Variants in MEGF10 observed in about 807,000 individuals in gnomAD.
MEGF10 encodes multiple epidermal growth factor-like domains protein 10.
In MEGF10, 86 loss-of-function variants were observed where a neutral mutation model predicts 147.5. The observed-to-expected ratio is 0.58, with a 90% CI of 0.49 to 0.70. The LOEUF is 0.70. Among genes scored for constraint, MEGF10 ranks in the 30% least tolerant of loss-of-function variants. The probability of loss-of-function intolerance (pLI) is 0.00; values close to 1 mark genes in which losing one functional copy is unlikely to be tolerated. For missense variants in MEGF10, 1,329 were observed against 1,487.3 expected, an observed-to-expected ratio of 0.89 and a Z score of 1.75; for synonymous variants, 478 against 525.5, an observed-to-expected ratio of 0.91 and a Z score of 1.24.
At chr5:127,250,854 T>C in the MEGF10 span, among the ~76,000 whole-genome samples, 1 of 151,928 alleles carries the variant, frequency 6.6e-6, no homozygotes, top group African/African-American at 2.4e-5. Flanking sequence ...AATGCTTTCC[T>C]ATATATTATC....
chr5:127,450,754 G>GTTATGT (rs1561655315), intron 22 of MEGF10, among the ~76,000 whole-genome samples: 1 of 151,704 alleles, frequency 6.6e-6, no homozygotes, highest in Non-Finnish European at 1.5e-5. Flanking sequence ...GTTTTGTTTT[G>GTTATGT]TTTTGTTTTT....
chr5:127,303,693 A>G (rs868043926), intron 1 of MEGF10, among the ~76,000 whole-genome samples: 8 of 152,176 alleles, frequency 5.3e-5, no homozygotes, highest in Non-Finnish European at 2.9e-5. Flanking sequence ...ATTGACTTCT[A>G]TGTCCAGTGG....
chr5:127,438,941 A>C (rs1037324459), intron 17 of MEGF10, among the ~76,000 whole-genome samples: 9 of 152,198 alleles, frequency 5.9e-5, no homozygotes, highest in Non-Finnish European at 1.2e-4. Flanking sequence ...TGCCTGATTT[A>C]ATGTGCGCTC....
chr5:127,416,265 T>A (rs1161898303), intron 9 of MEGF10, among the ~76,000 whole-genome samples: 2 of 151,892 alleles, frequency 1.3e-5, no homozygotes, highest in African/African-American at 4.8e-5. Context: ...CCTGACCTCG[T>A]GATCCGCCCG....
At chr5:127,282,814 A>G in the MEGF10 span, among the ~76,000 whole-genome samples, 1,393 of 152,342 alleles carry the variant, frequency 9.1e-3, 14 homozygotes, top group African/African-American at 0.03. Context: ...GTTTTCTCAG[A>G]ATAGTCAGGA....
At chr5:127,325,387 A>AT (rs1302470872) in intron 1 of MEGF10, among the ~76,000 whole-genome samples, 7 of 151,948 alleles carry the variant, frequency 4.6e-5, no homozygotes, top group Non-Finnish European at 7.4e-5. Flanking sequence ...TTGTTTGTAG[A>AT]TTTTTTCCCT....
In MEGF10 at chr5:127,323,023, CAT is replaced by C. The variant is rs147328563; in HGVS notation, c.-18-8259_-18-8258del. Among the ~76,000 whole-genome samples the C allele has an allele frequency of 2.4e-4, 37 of 151,392 alleles. No individual in the cohort carries two copies. In the East Asian group the frequency reaches 6.2e-3, roughly 25 times the overall value. On this transcript the variant is annotated intron_variant, in intron 1 of 24. Coordinates refer to ENST00000503335, the MANE Select transcript of MEGF10 (RefSeq NM_001256545.2). ...CACACATTGCATATACATATATATG[CAT>C]ATATATATGTATATGCACAGGCATT...
intron 5 of MEGF10, among the ~76,000 whole-genome samples, chr5:127,384,397 T>C (rs1040907833): frequency 6.6e-6 from 1 of 152,258 alleles, no homozygotes; most frequent in Non-Finnish European, 1.5e-5. Flanking sequence ...CTGAGGTTGT[T>C]ATTCTTCTTT....
chr5:127,309,218 G>A (rs1365191308), intron 1 of MEGF10, among the ~76,000 whole-genome samples: 1 of 152,206 alleles, frequency 6.6e-6, no homozygotes, highest in Non-Finnish European at 1.5e-5. Flanking sequence ...CTCACCTTTT[G>A]GGCAGACATC....
chr5:127,363,592 G>A (rs1325253674), intron 4 of MEGF10, among the ~76,000 whole-genome samples: 2 of 152,132 alleles, frequency 1.3e-5, no homozygotes, highest in African/African-American at 2.4e-5. Flanking sequence ...TATTGCTGAC[G>A]TCACTGCTGG....
intron 20 of MEGF10, among the ~76,000 whole-genome samples, chr5:127,446,580 G>A (rs1023606175): frequency 4.6e-5 from 7 of 152,186 alleles, no homozygotes; most frequent in African/African-American, 1.7e-4. Context: ...GGAATTTGGG[G>A]GAAAGAGATT....
chr5:127,417,604 A>G, intron 9 of MEGF10, 34 bp from the exon 10 acceptor site: 2 of 1,612,524 alleles, frequency 1.2e-6, no homozygotes, highest in Non-Finnish European at 1.7e-6. Context: ...TGTTTACCCC[A>G]AAGTGACTTA....
At chr5:127,411,655 A>G (rs1425655929) in intron 9 of MEGF10, among the ~76,000 whole-genome samples, 1 of 152,226 alleles carries the variant, frequency 6.6e-6, no homozygotes, top group Non-Finnish European at 1.5e-5. Context: ...TTTGTAAGCC[A>G]TATTAGTCAA....
intron 1 of MEGF10, among the ~76,000 whole-genome samples, chr5:127,330,681 A>G (rs1246790049): frequency 6.6e-6 from 1 of 152,228 alleles, no homozygotes; most frequent in African/African-American, 2.4e-5. Flanking sequence ...AAATTGAAGC[A>G]CTATGTTTAA....
rs569567951 is a variant in MEGF10, at chr5:127,419,577, A to T, written c.1426+337A>T. Reference sequence around the variant, plus strand: ...AGCCAAGCACCAATTTTATATGAGCACTAGAACGTGTCCATCCATAGGTGC... The same window carrying T: ...AGCCAAGCACCAATTTTATATGAGCTCTAGAACGTGTCCATCCATAGGTGC... On this transcript the variant is annotated intron_variant, in intron 11 of 24. Coordinates refer to ENST00000503335, the MANE Select transcript of MEGF10 (RefSeq NM_001256545.2). 1.1e-4 allele frequency among the ~76,000 whole-genome samples: 17 copies of T among 152,332 alleles called. No homozygotes were observed. In the South Asian group the frequency reaches 1.7e-3, roughly 15 times the overall value.
Position 127,440,988 on chromosome 5 carries a change from G to A in MEGF10, c.2362+121G>A. On this transcript the variant is annotated intron_variant, in intron 18 of 24. Transcript: ENST00000503335. ...CCGAGGTTGTTTGAGCTGATGGCTG[G>A]TTACTTCTCAGCATGACTGACTTCC... is the stretch of plus-strand genomic sequence containing the variant. 9.2e-6 allele frequency: 12 copies of A among 1,306,122 alleles called. No homozygotes were observed. The South Asian group carries it at 1.7e-4, about 18-fold the overall frequency. The allele number at this position is 1,306,122 out of a possible 1,614,324, so 80.9% of individuals were successfully genotyped here. A position where few individuals can be genotyped will look rare whatever the true frequency, so the allele number is the denominator to read the frequency against.
rs1215782706 is a variant in MEGF10, at chr5:127,457,149, A to G, written c.3254A>G (p.Gln1085Arg). 2 of 1,613,596 alleles carry G rather than the reference A, an allele frequency of 1.2e-6. No individual in the cohort carries two copies. Among genetic ancestry groups the G allele is most frequent in the South Asian group, 2.2e-5 (2 of 90,898 alleles). The change falls in exon 25 of 25, where the codon CAA becomes CGA. Residue 1085 changes from glutamine to arginine, a missense_variant. Physicochemically the swap from Gln to Arg is conservative, Grantham distance 43. Around this residue, in one of 3 missense-constraint regions of MEGF10, gnomAD observed 343 missense variants for 377.9 expected, o/e 0.91. Transcript: ENST00000503335. ...YEVEPTVSVV[Q>R]GVFSNNGRLS... Reference sequence around the variant, plus strand: ...ACAGAACCTACAGTGAGTGTTGTCCAAGGAGTATTCAGCAATAATGGGCGT... The same window carrying G: ...ACAGAACCTACAGTGAGTGTTGTCCGAGGAGTATTCAGCAATAATGGGCGT...
intron 2 of MEGF10, among the ~76,000 whole-genome samples, chr5:127,331,978 G>C (rs1761278971): frequency 6.6e-6 from 1 of 151,940 alleles, no homozygotes; most frequent in Non-Finnish European, 1.5e-5. Context: ...TCTTGGAAGG[G>C]GAGTCAGTTT....
chr5:127,329,515 G>GT (rs1010260738), intron 1 of MEGF10, among the ~76,000 whole-genome samples: 3 of 151,950 alleles, frequency 2.0e-5, no homozygotes, highest in Non-Finnish European at 2.9e-5. Flanking sequence ...AAAGTTGTTT[G>GT]TTTTTTGCTG....
Sources: allele counts gnomAD v4.1 joint callset (sites outside exome capture counted in the v4.1 genomes callset), GRCh38; gene constraint gnomAD v4.1.1; regional missense constraint gnomAD v4.1.1; transcripts MANE v1.5; gene names NCBI Gene and HGNC (gene_info 2026-07-23, HGNC 2026-07-21).